FSTL5: variants seen among roughly 807,000 people sequenced by gnomAD.
FSTL5 encodes the protein follistatin like 5.
A neutral mutation model predicts 89.1 loss-of-function variants in FSTL5; 62 were observed. The observed-to-expected ratio is 0.70, with a 90% CI of 0.57 to 0.86. The LOEUF is 0.86. Ranked by LOEUF, FSTL5 falls within the 40% of genes least tolerant of loss-of-function variation. The pLI, the probability that FSTL5 is intolerant of heterozygous loss-of-function variation, is 0.00. For synonymous variants in FSTL5, 383 were observed against 346.2 expected (o/e 1.11, Z -1.18); for missense variants, 1,057 against 1,001.6 (o/e 1.06, Z -0.75).
chr4:161,693,159 C>A (rs1738011173), intron 6 of FSTL5, among the ~76,000 whole-genome samples: 1 of 152,152 alleles, frequency 6.6e-6, no homozygotes, highest in African/African-American at 2.4e-5. Context: ...TGGAATAAAT[C>A]CCACTTGTTC....
At chr4:161,473,394 A>G (rs1287418917) in intron 13 of FSTL5, among the ~76,000 whole-genome samples, 6 of 149,822 alleles carry the variant, frequency 4.0e-5, no homozygotes, top group Non-Finnish European at 8.9e-5. Context: ...TTTTTTTATT[A>G]ATAAATTATC....
At chr4:161,565,408 C>T (rs1458820728) in intron 8 of FSTL5, among the ~76,000 whole-genome samples, 2 of 151,744 alleles carry the variant, frequency 1.3e-5, no homozygotes, top group Admixed American at 6.6e-5. Flanking sequence ...GAAATAAATA[C>T]ATATATATGT....
chr4:162,044,239 G>C (rs1044062457), intron 2 of FSTL5, among the ~76,000 whole-genome samples: 5 of 152,168 alleles, frequency 3.3e-5, no homozygotes, highest in Non-Finnish European at 7.3e-5. Flanking sequence ...ATGTGCTACA[G>C]AATGAATGTT....
intron 6 of FSTL5, among the ~76,000 whole-genome samples, chr4:161,746,962 C>G (rs1740223299): frequency 6.6e-6 from 1 of 152,150 alleles, no homozygotes; most frequent in Non-Finnish European, 1.5e-5. Flanking sequence ...TCCCCAAGGA[C>G]TCTTATTCAG....
intron 8 of FSTL5, among the ~76,000 whole-genome samples, chr4:161,586,792 C>T (rs1277182730): frequency 1.3e-5 from 2 of 152,154 alleles, no homozygotes; most frequent in African/African-American, 4.8e-5. Context: ...AATTCATGCC[C>T]ATCACACTAG....
At chr4:162,127,000 T>G (rs79492449) in intron 1 of FSTL5, among the ~76,000 whole-genome samples, 1 of 152,022 alleles carries the variant, frequency 6.6e-6, no homozygotes, top group African/African-American at 2.4e-5. Context: ...CTGTCGTGGT[T>G]TTTTTAAGCA....
intron 7 of FSTL5, among the ~76,000 whole-genome samples, chr4:161,604,470 A>G (rs187262646): frequency 8.5e-5 from 13 of 152,314 alleles, no homozygotes; most frequent in Admixed American, 7.8e-4. Context: ...AGGGTACTCT[A>G]AAAAATATAA....
At chr4:161,997,795 G>T (rs552294141) in intron 3 of FSTL5, among the ~76,000 whole-genome samples, 2 of 52,030 alleles carry the variant, frequency 3.8e-5, no homozygotes, top group Non-Finnish European at 9.1e-5. Flanking sequence ...TAGTAGAGAC[G>T]GGGCTTCACT....
intron 3 of FSTL5, among the ~76,000 whole-genome samples, chr4:162,033,194 CTT>C (rs1279627352): frequency 2.0e-5 from 3 of 152,130 alleles, no homozygotes; most frequent in Admixed American, 6.6e-5. Flanking sequence ...CTATTGCCAA[CTT>C]TTAATGCATA....
At chr4:161,615,872 C>G (rs1044883840) in intron 7 of FSTL5, among the ~76,000 whole-genome samples, 2 of 152,018 alleles carry the variant, frequency 1.3e-5, no homozygotes, top group Admixed American at 6.5e-5. Flanking sequence ...ATATAAAACC[C>G]TTTAATAGGC....
In FSTL5 at chr4:161,656,398, G is replaced by T; in HGVS notation, c.824C>A (p.Thr275Asn). The change falls in exon 7 of 16, where the codon ACC becomes AAC. Residue 275 changes from threonine to asparagine, a missense_variant. Thr to Asn is a moderately conservative substitution (Grantham distance 65). This residue lies in a region of FSTL5 where 980 missense variants were observed against 903.2 expected (regional missense o/e 1.08). Transcript: ENST00000306100. The stretch of plus-strand genomic sequence containing the variant: ...TTTCCAGATAATGGGAGGTCTCAGG[G>T]TTCCTTGAATGGCACAGCTCAGAAC... Reference protein sequence around the residue: ...SAVLSCAIQGTLRPPIIWKRN... With the variant: ...SAVLSCAIQGNLRPPIIWKRN... The T allele has an allele frequency of 1.2e-6, 2 of 1,610,090 alleles. No individual in the cohort carries two copies. Among genetic ancestry groups the T allele is most frequent in the Non-Finnish European group, 1.7e-6 (2 of 1,177,030 alleles).
At chr4:161,522,641 T>A (rs1179128219) in intron 10 of FSTL5, among the ~76,000 whole-genome samples, 2 of 151,478 alleles carry the variant, frequency 1.3e-5, no homozygotes, top group African/African-American at 2.4e-5. Context: ...CAAAGAAAAA[T>A]TATCAGATTT....
In FSTL5 at chr4:161,752,602, C is replaced by T. The variant is rs1056361738; in HGVS notation, c.727+6809G>A. Among the ~76,000 whole-genome samples, 171 of 151,962 alleles carry T rather than the reference C, an allele frequency of 1.1e-3. 1 individual carries two copies. Among genetic ancestry groups the T allele is most frequent in the African/African-American group, 3.8e-3 (157 of 41,488 alleles). On this transcript the variant is annotated intron_variant, in intron 6 of 15. Coordinates refer to ENST00000306100, the MANE Select transcript of FSTL5 (RefSeq NM_020116.5). ...GCCAAGAAGACTTCACTTTTTTTTC[C>T]CTTGGATTCAGCTTTGAAAAATGTT...
At chr4:161,399,331 T>C (rs1361046405) in intron 15 of FSTL5, among the ~76,000 whole-genome samples, 1 of 152,152 alleles carries the variant, frequency 6.6e-6, no homozygotes, top group Non-Finnish European at 1.5e-5. Context: ...AATTAACACA[T>C]ATTTTGTATG....
intron 7 of FSTL5, among the ~76,000 whole-genome samples, chr4:161,649,813 CTT>C (rs1736275136): frequency 6.6e-6 from 1 of 152,160 alleles, no homozygotes. Context: ...CAGGAAGACT[CTT>C]TACAACAGCA....
intron 15 of FSTL5, among the ~76,000 whole-genome samples, chr4:161,448,439 AT>A (rs1403774724): frequency 6.6e-6 from 1 of 152,136 alleles, no homozygotes; most frequent in African/African-American, 2.4e-5. Flanking sequence ...GTCTTGATAT[AT>A]GGTTAGCCAT....
At chr4:161,479,948 A>G (rs1374903140) in intron 13 of FSTL5, among the ~76,000 whole-genome samples, 1 of 151,604 alleles carries the variant, frequency 6.6e-6, no homozygotes, top group Non-Finnish European at 1.5e-5. Flanking sequence ...GAGTGAATGG[A>G]TGGATGGATG....
intron 13 of FSTL5, among the ~76,000 whole-genome samples, chr4:161,473,013 G>A (rs1026578885): frequency 6.6e-5 from 10 of 152,116 alleles, no homozygotes; most frequent in East Asian, 3.9e-4. Flanking sequence ...ATGAGCCACC[G>A]TGCCTGGCTG....
chr4:161,407,665 T>C (rs1367821659), intron 15 of FSTL5, among the ~76,000 whole-genome samples: 1 of 120,954 alleles, frequency 8.3e-6, no homozygotes, highest in African/African-American at 3.0e-5. Context: ...CCTTTTGGCA[T>C]AGGTCAGCTC....
Sources: gnomAD v4.1 joint callset for allele counts (sites outside exome capture counted in the v4.1 genomes callset) on GRCh38, gnomAD v4.1.1 for gene constraint, gnomAD v4.1.1 regional missense constraint, MANE v1.5 for transcripts, NCBI Gene and HGNC (gene_info 2026-07-23, HGNC 2026-07-21) for gene names.